The following SAMD12 variants were observed in gnomAD, a reference collection of about 807,000 sequenced individuals.
The protein encoded by SAMD12 is sterile alpha motif domain-containing protein 12.
A neutral mutation model predicts 15.0 loss-of-function variants in SAMD12; 9 were observed. The ratio of observed to expected loss-of-function variants is 0.60; its 90% CI spans 0.36 to 1.05. The LOEUF (loss-of-function observed/expected upper bound fraction) is 1.05, where lower values mean the gene tolerates loss of function less well. Among genes scored for constraint, SAMD12 ranks in the 50% least tolerant of loss-of-function variants. The pLI is 0.01. For missense variants in SAMD12, 230 were observed against 234.2 expected (o/e 0.98, Z 0.12); for synonymous variants, 86 against 90.1 (o/e 0.96, Z 0.25).
the SAMD12 span, among the ~76,000 whole-genome samples, chr8:118,147,943 CTT>C: frequency 7.0e-6 from 1 of 142,630 alleles, no homozygotes; most frequent in African/African-American, 2.6e-5. Context: ...GAGATAGAGC[CTT>C]TTTTTTTTTG....
intron 1 of SAMD12, among the ~76,000 whole-genome samples, chr8:118,585,615 T>C (rs1220293952): frequency 6.6e-6 from 1 of 152,242 alleles, no homozygotes; most frequent in Non-Finnish European, 1.5e-5. Flanking sequence ...ATCTAGAATG[T>C]TATTTTATTT....
exon 5 of SAMD12, chr8:118,197,570 G>T: frequency 2.5e-6 from 2 of 801,352 alleles, no homozygotes; most frequent in Non-Finnish European, 4.4e-6. Context: ...TGACTGAATG[G>T]GTGCTTTTTT....
chr8:118,616,186 C>T (rs1828235430), intron 1 of SAMD12, among the ~76,000 whole-genome samples: 1 of 152,146 alleles, frequency 6.6e-6, no homozygotes, highest in South Asian at 2.1e-4. Context: ...GGATAAGTAC[C>T]TATGAGGGAA....
chr8:118,133,004 A>G, the SAMD12 span, among the ~76,000 whole-genome samples: 14 of 102,738 alleles, frequency 1.4e-4, no homozygotes, highest in African/African-American at 4.3e-4. Context: ...ATATATATAT[A>G]TATATATATA....
In SAMD12 at chr8:118,305,144, C is replaced by CAAAAAAA. The variant is rs56200866; in HGVS notation, c.433+74409_433+74415dup. 4.1e-4 allele frequency among the ~76,000 whole-genome samples: 20 copies of CAAAAAAA among 48,884 alleles called. 3 individuals are homozygous for CAAAAAAA. The highest frequency in any genetic ancestry group is 6.6e-4 in the East Asian group (1 of 1,510). The allele number at this position is 48,884 out of a possible 152,430, so 32.1% of individuals were successfully genotyped here. A position where few individuals can be genotyped will look rare whatever the true frequency, so the allele number is the denominator to read the frequency against. The stretch of plus-strand genomic sequence containing the variant: ...AGCCTGGGCAAAAGTGACTCCCTGT[C>CAAAAAAA]AAAAAAAAAAAAAAAAAAAAAAAAA... On this transcript the variant is annotated intron_variant, in intron 4 of 4. Coordinates refer to the SAMD12 transcript ENST00000409003.
chr8:118,439,607 A>G (rs565172473), intron 3 of SAMD12, among the ~76,000 whole-genome samples: 118 of 135,802 alleles, frequency 8.7e-4, no homozygotes, highest in Non-Finnish European at 1.6e-3. Context: ...TGATTCCCAT[A>G]TACTTTTACA....
intron 3 of SAMD12, among the ~76,000 whole-genome samples, chr8:118,413,339 G>A (rs533944232): frequency 6.6e-6 from 1 of 152,128 alleles, no homozygotes; most frequent in Non-Finnish European, 1.5e-5. Context: ...TAAAAACACT[G>A]TGTTTCTAAT....
At chr8:118,556,788 C>T (rs892886960) in intron 2 of SAMD12, among the ~76,000 whole-genome samples, 8 of 152,056 alleles carry the variant, frequency 5.3e-5, no homozygotes, top group Admixed American at 2.6e-4. Flanking sequence ...CATGGTGAAA[C>T]CCCGTCTCTA....
intron 4 of SAMD12, among the ~76,000 whole-genome samples, chr8:118,359,671 C>G (rs1424752517): frequency 6.6e-6 from 1 of 152,154 alleles, no homozygotes; most frequent in African/African-American, 2.4e-5. Context: ...AATTTAACTT[C>G]TGTGTGCCTC....
chr8:118,601,836 G>A (rs1358063807), intron 1 of SAMD12, among the ~76,000 whole-genome samples: 1 of 152,156 alleles, frequency 6.6e-6, no homozygotes, highest in African/African-American at 2.4e-5. Context: ...GAGAAACAGA[G>A]GAAAGAAAGC....
At chr8:118,342,307 G>A (rs1321877211) in intron 4 of SAMD12, among the ~76,000 whole-genome samples, 1 of 118,064 alleles carries the variant, frequency 8.5e-6, no homozygotes. Flanking sequence ...AAAAAAAAAA[G>A]TTTTAAGAGA....
chr8:118,349,877 C>G (rs1310309245), intron 4 of SAMD12, among the ~76,000 whole-genome samples: 1 of 152,180 alleles, frequency 6.6e-6, no homozygotes, highest in Non-Finnish European at 1.5e-5. Flanking sequence ...CCTGTAATCC[C>G]AGTACCTTGG....
At chr8:118,533,592 T>A (rs1373635609) in intron 2 of SAMD12, among the ~76,000 whole-genome samples, 2 of 152,286 alleles carry the variant, frequency 1.3e-5, no homozygotes, top group Admixed American at 6.5e-5. Context: ...TTTGTAGGTC[T>A]CTAAGGACTT....
intron 2 of SAMD12, among the ~76,000 whole-genome samples, chr8:118,465,205 G>A (rs1166998399): frequency 6.6e-6 from 1 of 152,160 alleles, no homozygotes; most frequent in Non-Finnish European, 1.5e-5. Context: ...AGCTGACCCA[G>A]GAGCAATGAT....
rs1344279144 is a variant in SAMD12 at position 118,271,880 on chromosome 8, C to T, written c.434-74148G>A. ...CCCCTGTGGCTTTGTAGAGTACAGC[C>T]CCCCACTTCCTGGCTGCTTTCATGG... On this transcript the variant is annotated intron_variant, in intron 4 of 4. Transcript: ENST00000409003. 6.6e-5 allele frequency among the ~76,000 whole-genome samples: 10 copies of T among 152,168 alleles called. No individual in the cohort carries two copies. In the East Asian group the frequency reaches 1.9e-3, roughly 29 times the overall value.
chr8:118,569,138 A>G (rs1826935678), intron 2 of SAMD12, among the ~76,000 whole-genome samples: 1 of 152,236 alleles, frequency 6.6e-6, no homozygotes, highest in African/African-American at 2.4e-5. Flanking sequence ...TTAATCTAAA[A>G]ATCCAAAATC....
chr8:118,332,376 C>T (rs1318866896), intron 4 of SAMD12, among the ~76,000 whole-genome samples: 3 of 152,230 alleles, frequency 2.0e-5, no homozygotes, highest in Non-Finnish European at 2.9e-5. Context: ...CAAAGCCACT[C>T]ATTAAAACTA....
At chr8:118,541,016 GA>G (rs2131148852) in intron 2 of SAMD12, among the ~76,000 whole-genome samples, 1 of 152,294 alleles carries the variant, frequency 6.6e-6, no homozygotes, top group African/African-American at 2.4e-5. Flanking sequence ...TCAACTGGCA[GA>G]ATTGCGTAAA....
chr8:118,349,491 T>C (rs1028892358), intron 4 of SAMD12, among the ~76,000 whole-genome samples: 3 of 152,236 alleles, frequency 2.0e-5, no homozygotes, highest in African/African-American at 7.2e-5. Flanking sequence ...CTTAGGTTTG[T>C]CATGTCCATA....
Sources: allele counts gnomAD v4.1 joint callset (sites outside exome capture counted in the v4.1 genomes callset), GRCh38; gene constraint gnomAD v4.1.1; transcripts MANE v1.5; gene names NCBI Gene and HGNC (gene_info 2026-07-23, HGNC 2026-07-21).